IGSF5: variants seen among roughly 807,000 people sequenced by gnomAD.
The protein encoded by IGSF5 is immunoglobulin superfamily 5 like.
Under a neutral mutation model 39.4 loss-of-function variants are expected in IGSF5, and 41 were observed. That is an observed-to-expected ratio of 1.04 (90% CI 0.81 to 1.35). The LOEUF (loss-of-function observed/expected upper bound fraction) is 1.35. Ranked by LOEUF, IGSF5 falls within the 40% of genes most tolerant of loss-of-function variation. The probability of loss-of-function intolerance (pLI) is 0.00; values close to 1 mark genes in which losing one functional copy is unlikely to be tolerated. For synonymous variants in IGSF5, 183 were observed against 175.3 expected, an observed-to-expected ratio of 1.04 and a Z score of -0.34; for missense variants, 487 against 494.6, an observed-to-expected ratio of 0.98 and a Z score of 0.15.
chr21:39,768,874 A>G (rs1321882451), intron 3 of IGSF5, among the ~76,000 whole-genome samples: 1 of 152,220 alleles, frequency 6.6e-6, no homozygotes, highest in East Asian at 1.9e-4. Flanking sequence ...ACTGTAGTCT[A>G]GGGACTCCTT....
At chr21:39,795,472 C>T (rs748416544) in intron 8 of IGSF5, among the ~76,000 whole-genome samples, 3 of 151,226 alleles carry the variant, frequency 2.0e-5, no homozygotes, top group African/African-American at 4.9e-5. Flanking sequence ...TCAGGTCTGG[C>T]GTTGTGGGGA....
chr21:39,793,911 G>C (rs554743939), intron 8 of IGSF5, among the ~76,000 whole-genome samples: 2 of 152,276 alleles, frequency 1.3e-5, no homozygotes, highest in South Asian at 4.1e-4. Context: ...GCATAAGAGT[G>C]AGCAGCATAT....
upstream of IGSF5, among the ~76,000 whole-genome samples, chr21:39,741,168 G>C (rs906099773): frequency 2.6e-5 from 4 of 152,160 alleles, no homozygotes; most frequent in African/African-American, 9.7e-5. Flanking sequence ...TAGCACTGGG[G>C]CTTGCATTAG....
rs1351939277 is a variant in IGSF5, at chr21:39,802,009, C to A, written c.*652C>A. The A allele has an allele frequency of 6.6e-6, 1 of 152,208 alleles. No individual in the cohort carries two copies. The highest frequency in any genetic ancestry group is 1.9e-4 in the East Asian group (1 of 5,202). The allele number at this position is 152,208 out of a possible 1,614,324, so 9.4% of individuals were successfully genotyped here. A position where few individuals can be genotyped will look rare whatever the true frequency, so the allele number is the denominator to read the frequency against. ...TATGCTTTGCAGAGGATGGACCTCA[C>A]CTACTCCGCACACCGTGAAAAAACT... On this transcript the variant is annotated 3_prime_UTR_variant, in exon 9 of 9. Coordinates refer to ENST00000380588, the MANE Select transcript of IGSF5 (RefSeq NM_001080444.2).
chr21:39,741,033 C>T (rs2079946422), upstream of IGSF5, among the ~76,000 whole-genome samples: 1 of 152,188 alleles, frequency 6.6e-6, no homozygotes, highest in South Asian at 2.1e-4. Flanking sequence ...CTCAGGTATG[C>T]CACGGGTTGC....
the IGSF5 span, among the ~76,000 whole-genome samples, chr21:39,737,205 A>C: frequency 6.7e-6 from 1 of 149,404 alleles, no homozygotes. Flanking sequence ...ACCCCTCACC[A>C]CTCAATGTGC....
intron 5 of IGSF5, among the ~76,000 whole-genome samples, chr21:39,786,564 T>C (rs1417790437): frequency 6.8e-6 from 1 of 147,590 alleles, no homozygotes; most frequent in Non-Finnish European, 1.5e-5. Flanking sequence ...TCCTCAGGGA[T>C]CTAGAACTAG....
chr21:39,765,901 G>A (rs1161610433), intron 3 of IGSF5, 49 bp downstream of exon 3: 2 of 1,547,152 alleles, frequency 1.3e-6, no homozygotes, highest in Non-Finnish European at 1.8e-6. Context: ...ATGTCAGAGG[G>A]CAGGAAGGAC....
chr21:39,752,444 G>GTTGAAA (rs1351175028), intron 2 of IGSF5, among the ~76,000 whole-genome samples: 1 of 152,050 alleles, frequency 6.6e-6, no homozygotes, highest in African/African-American at 2.4e-5. Flanking sequence ...GTTTCATATT[G>GTTGAAA]TTGCAATTGC....
At chr21:39,764,395 C>T (rs990294047) in intron 2 of IGSF5, among the ~76,000 whole-genome samples, 2 of 152,126 alleles carry the variant, frequency 1.3e-5, no homozygotes, top group African/African-American at 4.8e-5. Context: ...GGCTCTAGTG[C>T]GGTGGCGTGA....
intron 8 of IGSF5, among the ~76,000 whole-genome samples, chr21:39,794,685 T>C (rs949571423): frequency 6.6e-6 from 1 of 151,960 alleles, no homozygotes; most frequent in Non-Finnish European, 1.5e-5. Context: ...GTAGATGTTA[T>C]CTTCTTTTAG....
intron 8 of IGSF5, among the ~76,000 whole-genome samples, chr21:39,797,978 C>T (rs1289726390): frequency 6.6e-6 from 1 of 152,168 alleles, no homozygotes; most frequent in East Asian, 1.9e-4. Flanking sequence ...TTGTGATCAG[C>T]GGCACTTTGT....
At chr21:39,793,473 G>A in intron 7 of IGSF5, 61 bp from the exon 8 acceptor site, 5 of 1,260,150 alleles carry the variant, frequency 4.0e-6, no homozygotes, top group Non-Finnish European at 5.8e-6. Context: ...AATCAGAATT[G>A]TTAGAGCACA....
the IGSF5 span, among the ~76,000 whole-genome samples, chr21:39,724,092 TAA>T: frequency 7.3e-6 from 1 of 137,228 alleles, no homozygotes; most frequent in Non-Finnish European, 1.5e-5. Context: ...TAAAATAAAA[TAA>T]AATAAAATAA....
the IGSF5 span, among the ~76,000 whole-genome samples, chr21:39,730,951 T>A: frequency 6.6e-6 from 1 of 152,206 alleles, no homozygotes; most frequent in Non-Finnish European, 1.5e-5. Context: ...TTTAAAAGAC[T>A]GTGCATGTTT....
rs1399663296 is a variant in IGSF5, at chr21:39,793,532, A to G, written c.1049-2A>G. ...GACTCTAAAATTGTTCTTCTGTTGCAGACACCGCTTCTCTCCCTCCCAAAT... is the reference window on the plus strand; with the variant it reads ...GACTCTAAAATTGTTCTTCTGTTGCGGACACCGCTTCTCTCCCTCCCAAAT... On this transcript the variant is annotated splice_acceptor_variant, in intron 7 of 8. Coordinates refer to ENST00000380588, the MANE Select transcript of IGSF5 (RefSeq NM_001080444.2). LOFTEE classifies it high-confidence loss of function. 1.9e-6 allele frequency: 3 copies of G among 1,613,116 alleles called. No homozygotes were observed. In the East Asian group the frequency reaches 6.7e-5, roughly 36 times the overall value.
chr21:39,734,439 T>A, the IGSF5 span, among the ~76,000 whole-genome samples: 28 of 120,300 alleles, frequency 2.3e-4, no homozygotes, highest in African/African-American at 4.4e-4. Context: ...AAAAAAAAAA[T>A]ACACACACAC....
intron 8 of IGSF5, among the ~76,000 whole-genome samples, chr21:39,800,612 A>G (rs544167342): frequency 6.6e-6 from 1 of 152,376 alleles, no homozygotes; most frequent in Non-Finnish European, 1.5e-5. Context: ...CACATTGTGA[A>G]TAATTTATCA....
At chr21:39,757,693 C>T (rs1046440781) in intron 2 of IGSF5, among the ~76,000 whole-genome samples, 6 of 151,982 alleles carry the variant, frequency 3.9e-5, no homozygotes, top group African/African-American at 1.5e-4. Flanking sequence ...TCTCCTGCCT[C>T]AGCCTCCTGA....
Sources: gnomAD v4.1 joint callset for allele counts (sites outside exome capture counted in the v4.1 genomes callset) on GRCh38, gnomAD v4.1.1 for gene constraint, MANE v1.5 for transcripts, NCBI Gene and HGNC (gene_info 2026-07-23, HGNC 2026-07-21) for gene names.